Variants in ADGRE3 observed in about 807,000 individuals in gnomAD.
ADGRE3 encodes the protein EGF-like module receptor 3.
In ADGRE3, 88 loss-of-function variants were observed where a neutral mutation model predicts 80.1. The ratio of observed to expected loss-of-function variants is 1.10; its 90% confidence interval spans 0.93 to 1.31. The LOEUF is 1.31. Ranked by LOEUF, ADGRE3 falls within the 40% of genes most tolerant of loss-of-function variation. ADGRE3 has a pLI of 0.00. For missense variants in ADGRE3, 715 were observed against 776.5 expected (o/e 0.92, Z 0.94); for synonymous variants, 281 against 294.8 (o/e 0.95, Z 0.48).
intron 1 of ADGRE3, among the ~76,000 whole-genome samples, chr19:14,673,495 A>G (rs1972310852): frequency 6.6e-6 from 1 of 152,226 alleles, no homozygotes; most frequent in Non-Finnish European, 1.5e-5. Flanking sequence ...GTAGAAAAAC[A>G]GAAGATCCCA....
chr19:14,663,394 TA>T (rs754768456), intron 3 of ADGRE3, 23 bp downstream of exon 3: 3 of 1,374,802 alleles, frequency 2.2e-6, no homozygotes, highest in Non-Finnish European at 1.9e-6. Flanking sequence ...ATAATAATAA[TA>T]AAAAATAATA....
chr19:14,634,527 T>C (rs1400722140), intron 11 of ADGRE3, among the ~76,000 whole-genome samples: 1 of 152,164 alleles, frequency 6.6e-6, no homozygotes, highest in Non-Finnish European at 1.5e-5. Flanking sequence ...TTTTAGTAAC[T>C]GTGGTGTGAT....
chr19:14,642,944 C>G (rs1375067811), intron 9 of ADGRE3, among the ~76,000 whole-genome samples: 1 of 152,030 alleles, frequency 6.6e-6, no homozygotes, highest in Non-Finnish European at 1.5e-5. Flanking sequence ...GGGTATATAC[C>G]CAGTAACAGG....
intron 13 of ADGRE3, among the ~76,000 whole-genome samples, chr19:14,631,482 A>C (rs1046576997): frequency 2.6e-5 from 4 of 151,320 alleles, no homozygotes; most frequent in African/African-American, 9.7e-5. Context: ...TCCTATTTAT[A>C]GTATTTATGG....
At chr19:14,660,865 C>T (rs1053134957) in intron 4 of ADGRE3, among the ~76,000 whole-genome samples, 4 of 149,834 alleles carry the variant, frequency 2.7e-5, no homozygotes, top group Non-Finnish European at 5.9e-5. Flanking sequence ...GAGAGAGAGT[C>T]AACTGATCTC....
rs1297049385 is a variant in ADGRE3, at chr19:14,619,248, A to G, written c.*185T>C. On this transcript the variant is annotated 3_prime_UTR_variant, in exon 16 of 16. Transcript: ENST00000253673. Reference sequence around the variant, plus strand: ...ACTGAATACACCATAGTGAAGAGAAATGCAATTTACCACACATTTGTTGAG... The same window carrying G: ...ACTGAATACACCATAGTGAAGAGAAGTGCAATTTACCACACATTTGTTGAG... The G allele has an allele frequency of 3.2e-6, 2 of 619,770 alleles. No homozygotes were observed. Among genetic ancestry groups the G allele is most frequent in the East Asian group, 5.7e-5 (2 of 35,100 alleles). The allele number at this position is 619,770 out of a possible 1,614,324, so 38.4% of individuals were successfully genotyped here. A position where few individuals can be genotyped will look rare whatever the true frequency, so the allele number is the denominator to read the frequency against.
At chr19:14,601,077 A>G in the ADGRE3 span, among the ~76,000 whole-genome samples, 2 of 150,986 alleles carry the variant, frequency 1.3e-5, no homozygotes, top group Non-Finnish European at 2.9e-5. Context: ...TAACTTTTGT[A>G]TTATTAGTAG....
chr19:14,664,932 A>T (rs1378681607), intron 2 of ADGRE3, among the ~76,000 whole-genome samples: 1 of 152,074 alleles, frequency 6.6e-6, no homozygotes, highest in African/African-American at 2.4e-5. Flanking sequence ...CCATATACAC[A>T]CATATGTGCA....
chr19:14,647,402 TTTTC>T (rs751053761), intron 7 of ADGRE3, 37 bp from the exon 8 acceptor site: 10 of 1,407,898 alleles, frequency 7.1e-6, no homozygotes, highest in South Asian at 2.7e-5. Flanking sequence ...TTTTCTTTTC[TTTTC>T]TTTCTTTTTT....
At chr19:14,624,811 G>A (rs990972283) in intron 15 of ADGRE3, among the ~76,000 whole-genome samples, 37 of 150,474 alleles carry the variant, frequency 2.5e-4, no homozygotes, top group African/African-American at 2.9e-4. Context: ...CTCAGCAAAC[G>A]AACTCAGGAG....
At chr19:14,625,465 T>C in intron 15 of ADGRE3, 27 bp downstream of exon 15, 1 of 1,387,500 alleles carries the variant, frequency 7.2e-7, no homozygotes, top group Middle Eastern at 1.8e-4. Context: ...ATGTAAAACA[T>C]TAGAACAATT....
chr19:14,630,254 A>T, intron 13 of ADGRE3, 47 bp from the exon 14 acceptor site: 1 of 1,508,038 alleles, frequency 6.6e-7, no homozygotes, highest in Non-Finnish European at 9.0e-7. Flanking sequence ...ACTAATAATG[A>T]GCATGAACAC....
At position 14,663,641 on chromosome 19, in the gene ADGRE3, G is replaced by A. The variant is rs1599650474; in HGVS notation, c.77-101C>T. On this transcript the variant is annotated intron_variant, in intron 2 of 15. Coordinates refer to ENST00000253673, the MANE Select transcript of ADGRE3 (RefSeq NM_032571.5). ...ATCACCTGAGGTCAGGAGTTCAAGAGCAGCCTGGCCAACATACTGAAACCC... is the reference window on the plus strand; with the variant it reads ...ATCACCTGAGGTCAGGAGTTCAAGAACAGCCTGGCCAACATACTGAAACCC... The A allele has an allele frequency of 2.1e-6, 3 of 1,396,862 alleles. No homozygotes were observed. In the South Asian group the frequency reaches 4.2e-5, roughly 20 times the overall value. The allele number at this position is 1,396,862 out of a possible 1,614,324, so 86.5% of individuals were successfully genotyped here. A position where few individuals can be genotyped will look rare whatever the true frequency, so the allele number is the denominator to read the frequency against.
At chr19:14,603,859 T>C in the ADGRE3 span, among the ~76,000 whole-genome samples, 6 of 152,328 alleles carry the variant, frequency 3.9e-5, no homozygotes, top group African/African-American at 1.4e-4. Context: ...GATCCAGTGA[T>C]GACCAAGACA....
In ADGRE3 at chr19:14,658,618, G is replaced by A. The variant is rs577061420; in HGVS notation, c.356-68C>T. ...TGACCAGGCAGAGGGGTGGGCAGGT[G>A]GGGTAAGTAATGGGGTGAGCAACTT... On this transcript the variant is annotated intron_variant, in intron 4 of 15. Transcript: ENST00000253673. 4.8e-6 allele frequency: 6 copies of A among 1,261,166 alleles called. No homozygotes were observed. The Admixed American group carries it at 6.3e-5, about 13-fold the overall frequency. The allele number at this position is 1,261,166 out of a possible 1,614,324, so 78.1% of individuals were successfully genotyped here.
At chr19:14,613,533 C>A in the ADGRE3 span, among the ~76,000 whole-genome samples, 1 of 152,056 alleles carries the variant, frequency 6.6e-6, no homozygotes, top group Admixed American at 6.6e-5. Flanking sequence ...AATAAGCTCC[C>A]TTAATCAATA....
chr19:14,628,677 G>A, intron 14 of ADGRE3: 3 of 384,324 alleles, frequency 7.8e-6, no homozygotes, highest in Non-Finnish European at 1.6e-5. Context: ...TCCATGGTTT[G>A]AGATGTGAGT....
chr19:14,610,166 T>C, the ADGRE3 span: 1 of 1,585,564 alleles, frequency 6.3e-7, no homozygotes, highest in Non-Finnish European at 8.6e-7. Flanking sequence ...AAACTACGTA[T>C]TGGATTTGTG....
intron 14 of ADGRE3, among the ~76,000 whole-genome samples, chr19:14,626,307 C>T (rs1970737827): frequency 6.6e-6 from 1 of 151,900 alleles, no homozygotes; most frequent in South Asian, 2.1e-4. Context: ...AGTGGTGGCT[C>T]ATGACTGTAA....
Sources: allele counts gnomAD v4.1 joint callset (sites outside exome capture counted in the v4.1 genomes callset), GRCh38; gene constraint gnomAD v4.1.1; transcripts MANE v1.5; gene names NCBI Gene and HGNC (gene_info 2026-07-23, HGNC 2026-07-21).